EPB41L5: variants seen among roughly 807,000 people sequenced by gnomAD.
EPB41L5 encodes band 4.1-like protein 5.
EPB41L5 carries 55 observed loss-of-function variants against 106.6 expected under a neutral mutation model. The observed-to-expected ratio is 0.52, with a 90% CI of 0.42 to 0.65. The LOEUF is 0.65. EPB41L5 is among the 30% of genes least tolerant of loss of function. EPB41L5 has a pLI of 0.00. For missense variants in EPB41L5, 871 were observed against 882.1 expected, an observed-to-expected ratio of 0.99 and a Z score of 0.16; for synonymous variants, 297 against 306.7, an observed-to-expected ratio of 0.97 and a Z score of 0.33.
At chr2:120,018,989 T>A in intron 1 of EPB41L5, 88 bp from the exon 2 acceptor site, 1 of 1,175,530 alleles carries the variant, frequency 8.5e-7, no homozygotes, top group Non-Finnish European at 1.2e-6. Flanking sequence ...TTCACAGGAC[T>A]TGACTAAATA....
intron 1 of EPB41L5, chr2:120,013,451 C>G (rs1203289331): frequency 6.6e-6 from 1 of 152,126 alleles, no homozygotes; most frequent in Non-Finnish European, 1.5e-5. Context: ...CGATACCGCG[C>G]GACGGGCCGG....
chr2:120,177,744 T>C lies in EPB41L5; in HGVS notation c.*2837T>C, dbSNP rs1687970248. 1 of 152,156 alleles carries C rather than the reference T, an allele frequency of 6.6e-6. No homozygotes were observed. The highest frequency in any genetic ancestry group is 2.1e-4 in the South Asian group (1 of 4,828). 9.4% of individuals were successfully genotyped at this position (152,156 alleles called of 1,614,324 possible). On this transcript the variant is annotated 3_prime_UTR_variant, in exon 25 of 25. Transcript: ENST00000263713. Reference sequence around the variant, plus strand: ...TATACATTGTTTTAAGAAAAAACTTTTAAAAATATTTCTTATAGTCTCCTA... The same window carrying C: ...TATACATTGTTTTAAGAAAAAACTTCTAAAAATATTTCTTATAGTCTCCTA...
chr2:120,104,003 A>G (rs1470740079), intron 16 of EPB41L5: 1 of 1,454,282 alleles, frequency 6.9e-7, no homozygotes, highest in African/African-American at 1.4e-5. Context: ...TTACACATCC[A>G]TTTTCTCCTA....
At chr2:120,123,405 G>GT (rs11395134) in intron 16 of EPB41L5, among the ~76,000 whole-genome samples, 151,912 of 152,186 alleles carry the variant, frequency 1, 75,820 homozygotes, top group Middle Eastern at 1. Context: ...TTGATCACTT[G>GT]TTTTAGAAAG....
At chr2:120,100,846 T>G in intron 16 of EPB41L5, 32 bp downstream of exon 16, 6 of 1,384,766 alleles carry the variant, frequency 4.3e-6, no homozygotes, top group Non-Finnish European at 6.0e-6. Flanking sequence ...AAATAAAATA[T>G]TGCCTAGTTA....
At chr2:120,058,505 A>G (rs1680811360) in intron 3 of EPB41L5, among the ~76,000 whole-genome samples, 1 of 152,228 alleles carries the variant, frequency 6.6e-6, no homozygotes, top group Non-Finnish European at 1.5e-5. Context: ...GGATAGAGAC[A>G]GAGAAATATA....
chr2:120,085,276 A>G (rs905095834), intron 10 of EPB41L5, among the ~76,000 whole-genome samples: 1 of 152,020 alleles, frequency 6.6e-6, no homozygotes, highest in African/African-American at 2.4e-5. Flanking sequence ...GTCTTTGATG[A>G]TGGTGATGTA....
At chr2:120,153,957 C>A (rs940231347) in intron 20 of EPB41L5, among the ~76,000 whole-genome samples, 2 of 152,176 alleles carry the variant, frequency 1.3e-5, no homozygotes, top group Non-Finnish European at 2.9e-5. Context: ...CACTCTCTAC[C>A]ATCGTAATTT....
intron 2 of EPB41L5, among the ~76,000 whole-genome samples, chr2:120,026,214 G>A (rs868613646): frequency 5.3e-5 from 8 of 152,210 alleles, no homozygotes; most frequent in South Asian, 2.1e-4. Context: ...TATCGTAGTC[G>A]TACATATTTT....
intron 1 of EPB41L5, among the ~76,000 whole-genome samples, chr2:120,014,138 A>G (rs1244226564): frequency 6.6e-6 from 1 of 152,232 alleles, no homozygotes; most frequent in Non-Finnish European, 1.5e-5. Context: ...CATTTGCTGT[A>G]TGTTATATTG....
chr2:120,080,256 C>A (rs560491334), intron 10 of EPB41L5, among the ~76,000 whole-genome samples: 120 of 152,146 alleles, frequency 7.9e-4, no homozygotes, highest in Non-Finnish European at 1.5e-3. Flanking sequence ...TATCCCTCCC[C>A]CTCCCCCAAC....
rs1688006820 is a variant in EPB41L5, at chr2:120,178,908, G to A, written c.*4001G>A. 1 of 152,156 alleles carries A rather than the reference G, an allele frequency of 6.6e-6. No individual in the cohort carries two copies. The highest frequency in any genetic ancestry group is 2.1e-4 in the South Asian group (1 of 4,824). 9.4% of individuals were successfully genotyped at this position (152,156 alleles called of 1,614,324 possible). ...CTGGATATGATAAGTGGTTATGAGG[G>A]TCTCACTAACTATTTTGTGTTTACC... On this transcript the variant is annotated 3_prime_UTR_variant, in exon 25 of 25. Coordinates refer to ENST00000263713, the MANE Select transcript of EPB41L5 (RefSeq NM_020909.4).
intron 18 of EPB41L5, among the ~76,000 whole-genome samples, chr2:120,141,166 G>A (rs906259452): frequency 6.6e-5 from 10 of 152,046 alleles, no homozygotes; most frequent in Admixed American, 3.9e-4. Context: ...TTCTAAAAAT[G>A]TGTTTATTGC....
Position 120,160,922 on chromosome 2 carries a change from C to G in EPB41L5, c.1835C>G (p.Ser612Cys), listed in dbSNP as rs867773735. 6.2e-7 allele frequency: 1 copy of G among 1,613,898 alleles called. No individual in the cohort carries two copies. Among genetic ancestry groups the G allele is most frequent in the Admixed American group, 1.7e-5 (1 of 60,024 alleles). The change falls in exon 21 of 25, where the codon TCT (serine) becomes TGT (cysteine). Residue 612 changes from serine (S) to cysteine (C), a missense_variant. By Grantham distance (112) the Ser-to-Cys change is moderately radical (BLOSUM62 -1). Transcript: ENST00000263713. ...AATAATGTGCCCCTCCCCAAAGAGT[C>G]TCTTGAGACTCTGATGCTTATCACA... ...NENNVPLPKESLETLMLITPA... is the reference protein window; with the variant it reads ...NENNVPLPKECLETLMLITPA...
chr2:120,026,048 G>A (rs905856199), intron 2 of EPB41L5, among the ~76,000 whole-genome samples: 10 of 152,176 alleles, frequency 6.6e-5, no homozygotes, highest in African/African-American at 2.4e-4. Context: ...TTAACAAACG[G>A]TACTTGGGGA....
At chr2:120,014,207 A>G (rs898396872) in intron 1 of EPB41L5, among the ~76,000 whole-genome samples, 7 of 152,224 alleles carry the variant, frequency 4.6e-5, no homozygotes, top group Admixed American at 4.6e-4. Flanking sequence ...AAGAGTATAC[A>G]TATTTCATGA....
chr2:120,015,871 C>T (rs895553283), intron 1 of EPB41L5, among the ~76,000 whole-genome samples: 1 of 148,298 alleles, frequency 6.7e-6, no homozygotes, highest in Non-Finnish European at 1.5e-5. Flanking sequence ...AGATGAAGGC[C>T]GCAGTGAGCC....
At chr2:120,048,258 G>A (rs531384538) in intron 3 of EPB41L5, among the ~76,000 whole-genome samples, 30 of 152,242 alleles carry the variant, frequency 2.0e-4, no homozygotes, top group African/African-American at 7.0e-4. Context: ...TTGTACCTCT[G>A]GTAGAATTCG....
chr2:120,046,652 T>G (rs1679800474), intron 3 of EPB41L5, among the ~76,000 whole-genome samples: 1 of 152,130 alleles, frequency 6.6e-6, no homozygotes, highest in South Asian at 2.1e-4. Flanking sequence ...GTGCAGAAGC[T>G]CTTTAGTTTA....
Sources: allele counts gnomAD v4.1 joint callset (sites outside exome capture counted in the v4.1 genomes callset), GRCh38; gene constraint gnomAD v4.1.1; transcripts MANE v1.5; gene names NCBI Gene and HGNC (gene_info 2026-07-23, HGNC 2026-07-21).